Variants in AP1S1 observed in about 807,000 individuals in gnomAD.
The protein encoded by AP1S1 is adaptor related protein complex 1 subunit sigma 1.
AP1S1 carries 13 observed loss-of-function variants against 23.9 expected under a neutral mutation model. That is an observed-to-expected ratio of 0.54 (90% CI 0.35 to 0.86). The LOEUF is 0.86. Among genes scored for constraint, AP1S1 ranks in the 40% least tolerant of loss-of-function variants. The pLI, the probability that AP1S1 is intolerant of heterozygous loss-of-function variation, is 0.01. For missense variants in AP1S1, 119 were observed against 197.6 expected (o/e 0.60, Z 2.38); for synonymous variants, 84 against 77.7 (o/e 1.08, Z -0.43).
rs560525698 is a variant in AP1S1 at position 101,158,343 on chromosome 7, A to C, written c.292-716A>C. Among the ~76,000 whole-genome samples, 12 of 152,282 alleles carry C rather than the reference A, an allele frequency of 7.9e-5. No individual in the cohort carries two copies. The South Asian group carries it at 2.5e-3, about 32-fold the overall frequency. On this transcript the variant is annotated intron_variant, in intron 3 of 4. Coordinates refer to ENST00000337619, the MANE Select transcript of AP1S1 (RefSeq NM_001283.5). ...TTGGTATCCCCATTTTTGAGGCCAGAAAACTGAGACTTAGAGATGTTTCAT... is the reference window on the plus strand; with the variant it reads ...TTGGTATCCCCATTTTTGAGGCCAGCAAACTGAGACTTAGAGATGTTTCAT...
intron 1 of AP1S1, chr7:101,154,792 G>T: frequency 2.6e-6 from 2 of 769,352 alleles, no homozygotes; most frequent in Non-Finnish European, 3.9e-6. Context: ...CTCTGGTCTT[G>T]GCCCCTGGGG....
rs567612236 is a variant in AP1S1, at chr7:101,158,464, G to A, written c.292-595G>A. 2.0e-5 allele frequency among the ~76,000 whole-genome samples: 3 copies of A among 152,302 alleles called. No individual in the cohort carries two copies. In the East Asian group the frequency reaches 5.8e-4, roughly 29 times the overall value. On this transcript the variant is annotated intron_variant, in intron 3 of 4. Coordinates refer to ENST00000337619, the MANE Select transcript of AP1S1 (RefSeq NM_001283.5). ...ATTCCCTCTTTCCCTGCCCCACAGT[G>A]TCCAGGAAGCGGGGCTACCACAGCC... is the stretch of plus-strand genomic sequence containing the variant.
chr7:101,157,082 G>A (rs1797003932), intron 2 of AP1S1, among the ~76,000 whole-genome samples: 2 of 151,786 alleles, frequency 1.3e-5, no homozygotes, highest in African/African-American at 2.4e-5. Context: ...TAACACACAC[G>A]CACACACACA....
intron 4 of AP1S1, 29 bp from the exon 5 acceptor site, chr7:101,160,490 G>A: frequency 6.2e-7 from 1 of 1,608,926 alleles, no homozygotes; most frequent in South Asian, 1.1e-5. Flanking sequence ...TGGTGTCTCT[G>A]CGTCACCCTC....
At chr7:101,156,393 G>A in intron 1 of AP1S1, 1 of 580,814 alleles carries the variant, frequency 1.7e-6, no homozygotes, top group Non-Finnish European at 3.0e-6. Flanking sequence ...GTAGTAATTG[G>A]GCCAAGGCCT....
chr7:101,159,340 T>C, intron 4 of AP1S1, 144 bp downstream of exon 4: 1 of 1,238,266 alleles, frequency 8.1e-7, no homozygotes, highest in Non-Finnish European at 1.1e-6. Flanking sequence ...CACGCCCAGC[T>C]CTCCAGCTTA....
intron 1 of AP1S1, chr7:101,155,001 G>A: frequency 1.0e-6 from 1 of 994,790 alleles, no homozygotes; most frequent in Non-Finnish European, 1.2e-6. Context: ...TGCGTTCGTG[G>A]CCGTGCTTGC....
At chr7:101,154,859 T>G in intron 1 of AP1S1, 6 of 877,006 alleles carry the variant, frequency 6.8e-6, no homozygotes, top group Non-Finnish European at 7.6e-6. Context: ...GGGAGTCTCT[T>G]TGCTGAGGGA....
At chr7:101,155,109 C>A (rs758681301) in intron 1 of AP1S1, 98 of 828,656 alleles carry the variant, frequency 1.2e-4, no homozygotes, top group Non-Finnish European at 1.3e-4. Flanking sequence ...TCTCTGCCCC[C>A]CTTCCCATTC....
chr7:101,160,416 T>G, intron 4 of AP1S1, 103 bp from the exon 5 acceptor site: 2 of 1,378,222 alleles, frequency 1.5e-6, no homozygotes, highest in Non-Finnish European at 2.0e-6. Flanking sequence ...CTCCCCCGTG[T>G]CTGTGCCTCC....
intron 1 of AP1S1, chr7:101,155,093 C>T (rs1051558761): frequency 1.3e-4 from 120 of 930,102 alleles, no homozygotes; most frequent in African/African-American, 2.0e-4. Flanking sequence ...TCCCGGGCTC[C>T]GGGGCTCTCT....
chr7:101,160,046 C>T (rs1259968183), intron 4 of AP1S1, among the ~76,000 whole-genome samples: 3 of 151,962 alleles, frequency 2.0e-5, no homozygotes, highest in Admixed American at 1.3e-4. Context: ...ACCAGTGTTG[C>T]GCTCAGACCC....
At chr7:101,156,173 A>G (rs199873484) in intron 1 of AP1S1, among the ~76,000 whole-genome samples, 1 of 152,150 alleles carries the variant, frequency 6.6e-6, no homozygotes, top group East Asian at 1.9e-4. Context: ...CGGAGATTGC[A>G]CTGAACAGTG....
chr7:101,160,930 G>A lies in AP1S1; in HGVS notation c.*364G>A. 1 of 420,288 alleles carries A rather than the reference G, an allele frequency of 2.4e-6. No homozygotes were observed. The highest frequency in any genetic ancestry group is 4.7e-6 in the Non-Finnish European group (1 of 214,128). 26.0% of individuals were successfully genotyped at this position (420,288 alleles called of 1,614,324 possible). On this transcript the variant is annotated 3_prime_UTR_variant, in exon 5 of 5. Coordinates refer to ENST00000337619, the MANE Select transcript of AP1S1 (RefSeq NM_001283.5). ...AGGTTAAAGGGAAAAGGTGTTCAGG[G>A]CACTTCTTGTCCTCTCTGTCCCATA... is the stretch of plus-strand genomic sequence containing the variant.
intron 1 of AP1S1, among the ~76,000 whole-genome samples, chr7:101,155,329 GT>G (rs1186246109): frequency 1.3e-5 from 2 of 152,216 alleles, no homozygotes; most frequent in African/African-American, 4.8e-5. Flanking sequence ...AGCTACTGGG[GT>G]AAGGAGAAGA....
Position 101,160,642 on chromosome 7 carries a change from C to T in AP1S1, c.*76C>T. 1.3e-6 allele frequency: 2 copies of T among 1,553,244 alleles called. No individual in the cohort carries two copies. Among genetic ancestry groups the T allele is most frequent in the Non-Finnish European group, 1.8e-6 (2 of 1,137,486 alleles). The stretch of plus-strand genomic sequence containing the variant: ...CGGCTGCTTCTCCTCTGCCCAGGGC[C>T]CTGTTCTTGGTGGGACTCGGCTGCC... On this transcript the variant is annotated 3_prime_UTR_variant, in exon 5 of 5. Coordinates refer to ENST00000337619, the MANE Select transcript of AP1S1 (RefSeq NM_001283.5).
rs775432593 is a variant in AP1S1 at position 101,159,218 on chromosome 7, G to A, written c.429+22G>A. On this transcript the variant is annotated intron_variant, in intron 4 of 4. Coordinates refer to ENST00000337619, the MANE Select transcript of AP1S1 (RefSeq NM_001283.5). ...AGAGGTACGGGCCAGGGACAGTGAG[G>A]AGGAGGAGGAAGCGCACAGTGGCGG... The A allele has an allele frequency of 1.0e-5, 16 of 1,599,168 alleles. No homozygotes were observed. In the South Asian group the frequency reaches 1.8e-4, roughly 18 times the overall value.
At chr7:101,159,674 A>C (rs1157794336) in intron 4 of AP1S1, 1 of 155,082 alleles carries the variant, frequency 6.4e-6, no homozygotes, top group Non-Finnish European at 1.4e-5. Context: ...CAGGAGGAAA[A>C]GGCTATGGGG....
chr7:101,157,515 T>C, intron 3 of AP1S1, 30 bp downstream of exon 3: 1 of 1,501,594 alleles, frequency 6.7e-7, no homozygotes, highest in Non-Finnish European at 9.1e-7. Flanking sequence ...CAGTTTCCAT[T>C]CCCAGCAATC....
Sources: gnomAD v4.1 joint callset for allele counts (sites outside exome capture counted in the v4.1 genomes callset) on GRCh38, gnomAD v4.1.1 for gene constraint, MANE v1.5 for transcripts, NCBI Gene and HGNC (gene_info 2026-07-23, HGNC 2026-07-21) for gene names.